Variants in LMBR1 observed in about 807,000 individuals in gnomAD.
LMBR1 encodes the protein limb region 1 protein homolog.
Under a neutral mutation model 73.9 loss-of-function variants are expected in LMBR1, and 52 were observed. The ratio of observed to expected loss-of-function variants is 0.70; its 90% CI spans 0.56 to 0.89. LMBR1 has a LOEUF of 0.89. LMBR1 is among the 40% of genes least tolerant of loss of function. LMBR1 has a pLI of 0.00. For synonymous variants in LMBR1, 215 were observed against 209.4 expected, an observed-to-expected ratio of 1.03 and a Z score of -0.23; for missense variants, 539 against 579.8, an observed-to-expected ratio of 0.93 and a Z score of 0.72.
intron 1 of LMBR1, among the ~76,000 whole-genome samples, chr7:156,877,030 A>T (rs919999732): frequency 6.6e-6 from 1 of 152,176 alleles, no homozygotes; most frequent in African/African-American, 2.4e-5. Flanking sequence ...GAAAAATGAA[A>T]CAAAAAGCTA....
intron 15 of LMBR1, among the ~76,000 whole-genome samples, chr7:156,701,912 G>T (rs902030047): frequency 6.6e-6 from 1 of 152,142 alleles, no homozygotes; most frequent in African/African-American, 2.4e-5. Flanking sequence ...GTTTGCTGAG[G>T]ATAATGGCTT....
At chr7:156,850,842 T>A (rs1444473627) in intron 1 of LMBR1, among the ~76,000 whole-genome samples, 1 of 152,152 alleles carries the variant, frequency 6.6e-6, no homozygotes, top group Non-Finnish European at 1.5e-5. Context: ...TGAAGCGTGA[T>A]CCCCACTGTT....
chr7:156,731,344 C>A (rs1420582341), intron 10 of LMBR1, among the ~76,000 whole-genome samples: 1 of 152,078 alleles, frequency 6.6e-6, no homozygotes. Flanking sequence ...GGAGCAGAAG[C>A]AATATCTGAT....
rs1329579828 is a variant in LMBR1 at position 156,682,401 on chromosome 7, T to C, written c.*1677A>G. 6.6e-6 allele frequency: 1 copy of C among 152,194 alleles called. No individual in the cohort carries two copies. Among genetic ancestry groups the C allele is most frequent in the African/African-American group, 2.4e-5 (1 of 41,444 alleles). 9.4% of individuals were successfully genotyped at this position (152,194 alleles called of 1,614,324 possible). A position where few individuals can be genotyped will look rare whatever the true frequency, so the allele number is the denominator to read the frequency against. On this transcript the variant is annotated 3_prime_UTR_variant, in exon 17 of 17. Coordinates refer to ENST00000353442, the MANE Select transcript of LMBR1 (RefSeq NM_022458.4). ...CTTCACTAAAAATCAAACCTGGCAA[T>C]TAATACTTCAATAGGCATAACAATG...
intron 4 of LMBR1, among the ~76,000 whole-genome samples, chr7:156,805,055 A>T (rs1236785367): frequency 1.3e-5 from 2 of 152,082 alleles, no homozygotes; most frequent in Non-Finnish European, 2.9e-5. Flanking sequence ...CCTATAATTA[A>T]AAAATTGTTC....
intron 15 of LMBR1, among the ~76,000 whole-genome samples, chr7:156,712,199 A>G (rs1812211448): frequency 6.6e-6 from 1 of 152,200 alleles, no homozygotes; most frequent in South Asian, 2.1e-4. Context: ...CACACTTCAA[A>G]AAGTGGGCAA....
At position 156,678,764 on chromosome 7, in the gene LMBR1, C is replaced by G. The variant is rs1454524746; in HGVS notation, c.*5314G>C. ...TTTTAACAGGTTGGAACCCACTTGT[C>G]TGACAGTCACCTTGCAAGATGAAGC... On this transcript the variant is annotated 3_prime_UTR_variant, in exon 17 of 17. Transcript: ENST00000353442. The G allele has an allele frequency of 6.6e-6, 1 of 152,204 alleles. No homozygotes were observed. The highest frequency in any genetic ancestry group is 2.4e-5 in the African/African-American group (1 of 41,442). 9.4% of individuals were successfully genotyped at this position (152,204 alleles called of 1,614,324 possible).
At chr7:156,872,310 T>A (rs1276139830) in intron 1 of LMBR1, 2 of 151,960 alleles carry the variant, frequency 1.3e-5, no homozygotes, top group Non-Finnish European at 2.9e-5. Flanking sequence ...AAAAGGAAAT[T>A]AGTAAAACAA....
intron 5 of LMBR1, among the ~76,000 whole-genome samples, chr7:156,766,690 C>T (rs1335395912): frequency 6.6e-6 from 1 of 152,030 alleles, no homozygotes; most frequent in South Asian, 2.1e-4. Flanking sequence ...AGTGTGCTCA[C>T]CCAAGTGGTG....
intron 15 of LMBR1, among the ~76,000 whole-genome samples, chr7:156,706,202 G>A (rs945453074): frequency 2.0e-5 from 3 of 146,772 alleles, no homozygotes; most frequent in African/African-American, 7.6e-5. Flanking sequence ...AATGATAAAG[G>A]GACCTATTCA....
intron 5 of LMBR1, among the ~76,000 whole-genome samples, chr7:156,770,179 A>T (rs1018157917): frequency 6.6e-6 from 1 of 152,210 alleles, no homozygotes; most frequent in Non-Finnish European, 1.5e-5. Context: ...TTAAACTACA[A>T]AAAGTATGTC....
chr7:156,800,811 T>C (rs1830838666), intron 4 of LMBR1, among the ~76,000 whole-genome samples: 1 of 152,158 alleles, frequency 6.6e-6, no homozygotes, highest in Non-Finnish European at 1.5e-5. Flanking sequence ...CAACCTCACC[T>C]GGAGTTTGGA....
intron 1 of LMBR1, among the ~76,000 whole-genome samples, chr7:156,870,625 C>A (rs982899309): frequency 6.6e-6 from 1 of 151,894 alleles, no homozygotes; most frequent in East Asian, 1.9e-4. Context: ...ATTAGCCAGG[C>A]GTGGCAGCAG....
At chr7:156,783,437 C>T (rs1827505411) in intron 5 of LMBR1, among the ~76,000 whole-genome samples, 1 of 152,120 alleles carries the variant, frequency 6.6e-6, no homozygotes. Context: ...CCTCAGCCTC[C>T]CAAAGTGCTG....
At chr7:156,717,911 A>G (rs1212862404) in intron 15 of LMBR1, among the ~76,000 whole-genome samples, 2 of 152,228 alleles carry the variant, frequency 1.3e-5, no homozygotes, top group East Asian at 1.9e-4. Flanking sequence ...GCTGTAAACC[A>G]AAGACATTTC....
intron 1 of LMBR1, among the ~76,000 whole-genome samples, chr7:156,866,940 T>C (rs893093482): frequency 2.0e-5 from 3 of 152,222 alleles, no homozygotes; most frequent in African/African-American, 2.4e-5. Flanking sequence ...ATAGTTCTTA[T>C]CTCAGACATA....
intron 1 of LMBR1, among the ~76,000 whole-genome samples, chr7:156,882,289 CA>C (rs1269531955): frequency 6.6e-6 from 1 of 151,978 alleles, no homozygotes; most frequent in East Asian, 1.9e-4. Flanking sequence ...AAAAAATAAA[CA>C]AAAAATTAGC....
At chr7:156,766,423 G>A (rs1343881964) in intron 5 of LMBR1, among the ~76,000 whole-genome samples, 7 of 152,116 alleles carry the variant, frequency 4.6e-5, no homozygotes, top group African/African-American at 9.7e-5. Context: ...TTGTGCACTC[G>A]GTTATGTGCT....
intron 15 of LMBR1, among the ~76,000 whole-genome samples, chr7:156,715,682 C>T (rs1210870214): frequency 6.6e-6 from 1 of 152,188 alleles, no homozygotes; most frequent in Non-Finnish European, 1.5e-5. Context: ...AAATGAACTA[C>T]TCTAGATACC....
Sources: gnomAD v4.1 joint callset for allele counts (sites outside exome capture counted in the v4.1 genomes callset) on GRCh38, gnomAD v4.1.1 for gene constraint, MANE v1.5 for transcripts, NCBI Gene and HGNC (gene_info 2026-07-23, HGNC 2026-07-21) for gene names.